OR8H3: variants seen among roughly 807,000 people sequenced by gnomAD.
OR8H3 encodes olfactory receptor family 8 subfamily H member 3, also known as olfactory receptor 8H3.
For missense variants in OR8H3, 381 were observed against 370.8 expected (o/e 1.03, Z -0.23); for synonymous variants, 143 against 136.4 (o/e 1.05, Z -0.34).
At position 56,122,496 on chromosome 11, in the gene OR8H3, G is replaced by C; in HGVS notation, c.124G>C (p.Gly42Arg). Reference sequence around the variant, plus strand: ...CCTCATATACCTAATTACTATGCTGGGGAATGTGGGGATGCTATTGATAAT... The same window carrying C: ...CCTCATATACCTAATTACTATGCTGCGGAATGTGGGGATGCTATTGATAAT... The part of the protein sequence containing the change: ...FLLIYLITML[G>R]NVGMLLIIRL... The change falls in exon 1 of 1, where the codon GGG (glycine) becomes CGG (arginine). Residue 42 changes from glycine (G) to arginine (R), a missense_variant. By Grantham distance (125) the Gly-to-Arg change is moderately radical. Transcript: ENST00000313472. 1 of 1,614,092 alleles carries C rather than the reference G, an allele frequency of 6.2e-7. No individual in the cohort carries two copies. Among genetic ancestry groups the C allele is most frequent in the Non-Finnish European group, 8.5e-7 (1 of 1,180,018 alleles).
chr11:56,122,560 T>C lies in OR8H3; in HGVS notation c.188T>C (p.Phe63Ser), dbSNP rs769765685. 3 of 1,614,034 alleles carry C rather than the reference T, an allele frequency of 1.9e-6. No homozygotes were observed. Among genetic ancestry groups the C allele is most frequent in the Non-Finnish European group, 2.5e-6 (3 of 1,180,024 alleles). ...DLQLHTPMYF[F>S]LTHLSFIDLS... The stretch of plus-strand genomic sequence containing the variant: ...CAGCTTCACACTCCCATGTATTTTT[T>C]CCTTACTCACCTGTCATTTATTGAC... The change falls in exon 1 of 1, where the codon TTC becomes TCC. Residue 63 changes from phenylalanine (F) to serine (S), a missense_variant. Coordinates refer to ENST00000313472, the MANE Select transcript of OR8H3 (RefSeq NM_001005201.1).
chr11:56,123,153 A>C lies in OR8H3; in HGVS notation c.781A>C (p.Lys261Gln). Reference protein sequence around the residue: ...FYGTMIFTYLKPRKSYSLGRD... With the variant: ...FYGTMIFTYLQPRKSYSLGRD... Reference sequence around the variant, plus strand: ...TGGAACTATGATTTTTACTTACTTAAAGCCAAGAAAGTCTTATTCCTTGGG... The same window carrying C: ...TGGAACTATGATTTTTACTTACTTACAGCCAAGAAAGTCTTATTCCTTGGG... The change falls in exon 1 of 1, where the codon AAG becomes CAG. Residue 261 changes from lysine (K) to glutamine (Q), a missense_variant. By Grantham distance (53) the Lys-to-Gln change is moderately conservative (BLOSUM62 1). Coordinates refer to ENST00000313472, the MANE Select transcript of OR8H3 (RefSeq NM_001005201.1). 6.2e-7 allele frequency: 1 copy of C among 1,613,722 alleles called. No individual in the cohort carries two copies. Among genetic ancestry groups the C allele is most frequent in the African/African-American group, 1.3e-5 (1 of 75,000 alleles).
At position 56,123,100 on chromosome 11, in the gene OR8H3, C is replaced by T; in HGVS notation, c.728C>T (p.Ser243Phe). Residue 243 changes from serine to phenylalanine, a missense_variant, in exon 1 of 1, where the codon TCT becomes TTT. Ser to Phe is a radical substitution (Grantham distance 155). Transcript: ENST00000313472. ...GKQKAFSTCV[S>F]HLLGVTIFYG... ...CAGAAAGCTTTCTCTACTTGCGTCTCTCATCTCTTGGGAGTCACCATCTTC... is the reference window on the plus strand; with the variant it reads ...CAGAAAGCTTTCTCTACTTGCGTCTTTCATCTCTTGGGAGTCACCATCTTC... The T allele has an allele frequency of 6.2e-7, 1 of 1,614,096 alleles. No individual in the cohort carries two copies. Among genetic ancestry groups the T allele is most frequent in the South Asian group, 1.1e-5 (1 of 91,084 alleles).
In OR8H3 at chr11:56,122,596, C is replaced by T. The variant is rs186537092; in HGVS notation, c.224C>T (p.Ser75Leu). ...THLSFIDLSY[S>L]TVVTPKTLAN... ...CTGTCATTTATTGACCTCAGTTACT[C>T]AACTGTCGTCACACCTAAAACCTTA... The change falls in exon 1 of 1, where the codon TCA becomes TTA. Residue 75 changes from serine to leucine, a missense_variant. Ser to Leu is a moderately radical substitution (Grantham distance 145). Coordinates refer to ENST00000313472, the MANE Select transcript of OR8H3 (RefSeq NM_001005201.1). 2.5e-6 allele frequency: 4 copies of T among 1,614,160 alleles called. No individual in the cohort carries two copies. The East Asian group carries it at 6.7e-5, about 27-fold the overall frequency.
In OR8H3 at chr11:56,123,128, T is replaced by C. The variant is rs367936103; in HGVS notation, c.756T>C (p.Tyr252=). The stretch of plus-strand genomic sequence containing the variant: ...ATCTCTTGGGAGTCACCATCTTCTA[T>C]GGAACTATGATTTTTACTTACTTAA... ...VSHLLGVTIF[Y]GTMIFTYLKP... The change falls in exon 1 of 1, where the codon TAT becomes TAC. Residue 252 remains tyrosine (Y), a synonymous_variant. Transcript: ENST00000313472. The C allele has an allele frequency of 3.7e-6, 6 of 1,614,082 alleles. No individual in the cohort carries two copies. In the African/African-American group the frequency reaches 4.0e-5, roughly 11 times the overall value.
At position 56,122,950 on chromosome 11, in the gene OR8H3, A is replaced by C; in HGVS notation, c.578A>C (p.Asp193Ala). 6.2e-7 allele frequency: 1 copy of C among 1,614,194 alleles called. No individual in the cohort carries two copies. The highest frequency in any genetic ancestry group is 8.5e-7 in the Non-Finnish European group (1 of 1,180,028). The change falls in exon 1 of 1, where the codon GAC becomes GCC. Residue 193 changes from aspartate to alanine, a missense_variant. Physicochemically the swap from Asp to Ala is moderately radical, Grantham distance 126. Transcript: ENST00000313472. Reference protein sequence around the residue: ...PILALSCTDTDNTEMLIFIIA... With the variant: ...PILALSCTDTANTEMLIFIIA... ...TTAGCTCTGTCCTGCACTGACACAGACAACACTGAAATGCTGATATTCATT... is the reference window on the plus strand; with the variant it reads ...TTAGCTCTGTCCTGCACTGACACAGCCAACACTGAAATGCTGATATTCATT...
Position 56,122,484 on chromosome 11 carries a change from A to G in OR8H3, c.112A>G (p.Ile38Val). 6.2e-7 allele frequency: 1 copy of G among 1,614,030 alleles called. No homozygotes were observed. The highest frequency in any genetic ancestry group is 8.5e-7 in the Non-Finnish European group (1 of 1,180,004). Residue 38 changes from isoleucine (I) to valine (V), a missense_variant, in exon 1 of 1, where the codon ATT becomes GTT. Ile to Val is a conservative substitution (Grantham distance 29). Coordinates refer to ENST00000313472, the MANE Select transcript of OR8H3 (RefSeq NM_001005201.1). The part of the protein sequence containing the change: ...LFMLFLLIYL[I>V]TMLGNVGMLL... ...TATGCTATTTCTCCTCATATACCTAATTACTATGCTGGGGAATGTGGGGAT... is the reference window on the plus strand; with the variant it reads ...TATGCTATTTCTCCTCATATACCTAGTTACTATGCTGGGGAATGTGGGGAT...
chr11:56,122,632 T>C lies in OR8H3; in HGVS notation c.260T>C (p.Leu87Pro), dbSNP rs760380208. The C allele has an allele frequency of 1.2e-6, 2 of 1,614,198 alleles. No individual in the cohort carries two copies. Among genetic ancestry groups the C allele is most frequent in the Non-Finnish European group, 1.7e-6 (2 of 1,180,032 alleles). The part of the protein sequence containing the change: ...VVTPKTLANL[L>P]TSNYISFTGC... The stretch of plus-strand genomic sequence containing the variant: ...ACACCTAAAACCTTAGCGAACTTAC[T>C]GACTTCCAACTATATTTCCTTCACG... The change falls in exon 1 of 1, where the codon CTG becomes CCG. Residue 87 changes from leucine (L) to proline (P), a missense_variant. By Grantham distance (98) the Leu-to-Pro change is moderately conservative (BLOSUM62 -3). Coordinates refer to ENST00000313472, the MANE Select transcript of OR8H3 (RefSeq NM_001005201.1).
Position 56,123,279 on chromosome 11 carries a change from A to G in OR8H3, c.907A>G (p.Arg303Gly), listed in dbSNP as rs765209741. ...RNREVKNALI[R>G]VMQRRQDSR The stretch of plus-strand genomic sequence containing the variant: ...CAGAGAAGTGAAAAATGCTCTCATT[A>G]GAGTCATGCAGAGAAGACAGGACTC... The change falls in exon 1 of 1, where the codon AGA (arginine) becomes GGA (glycine). Residue 303 changes from arginine to glycine, a missense_variant. Coordinates refer to ENST00000313472, the MANE Select transcript of OR8H3 (RefSeq NM_001005201.1). 6.3e-6 allele frequency: 10 copies of G among 1,597,312 alleles called. No homozygotes were observed. The highest frequency in any genetic ancestry group is 2.2e-5 in the East Asian group (1 of 44,816).
chr11:56,123,053 A>C lies in OR8H3; in HGVS notation c.681A>C (p.Lys227Asn), dbSNP rs777862445. The change falls in exon 1 of 1, where the codon AAA (lysine) becomes AAC (asparagine). Residue 227 changes from lysine (K) to asparagine (N), a missense_variant. Transcript: ENST00000313472. The stretch of plus-strand genomic sequence containing the variant: ...TGTCCATTCTCTCTACCATCCTGAA[A>C]ATTAATTCCACTTCAGGAAAGCAGA... Reference protein sequence around the residue: ...SYVSILSTILKINSTSGKQKA... With the variant: ...SYVSILSTILNINSTSGKQKA... 1 of 1,614,112 alleles carries C rather than the reference A, an allele frequency of 6.2e-7. No individual in the cohort carries two copies. The highest frequency in any genetic ancestry group is 8.5e-7 in the Non-Finnish European group (1 of 1,179,996).
rs1854202081 is a variant in OR8H3, at chr11:56,122,684, T to G, written c.312T>G (p.Phe104Leu). The stretch of plus-strand genomic sequence containing the variant: ...GCTGCTTTGCCCAGATGTTCTGTTT[T>G]GTCTTCTTGGGTACTGCTGAATGTT... Reference protein sequence around the residue: ...FTGCFAQMFCFVFLGTAECYL... With the variant: ...FTGCFAQMFCLVFLGTAECYL... The change falls in exon 1 of 1, where the codon TTT (phenylalanine) becomes TTG (leucine). Residue 104 changes from phenylalanine to leucine, a missense_variant. Coordinates refer to ENST00000313472, the MANE Select transcript of OR8H3 (RefSeq NM_001005201.1). 6.2e-7 allele frequency: 1 copy of G among 1,614,230 alleles called. No homozygotes were observed. Among genetic ancestry groups the G allele is most frequent in the Non-Finnish European group, 8.5e-7 (1 of 1,180,036 alleles).
chr11:56,123,257 A>G lies in OR8H3; in HGVS notation c.885A>G (p.Arg295=), dbSNP rs766058774. 8.7e-6 allele frequency: 14 copies of G among 1,609,808 alleles called. No individual in the cohort carries two copies. The Admixed American group carries it at 2.4e-4, about 27-fold the overall frequency. The change falls in exon 1 of 1, where the codon AGA becomes AGG. Residue 295 remains arginine, a synonymous_variant. Coordinates refer to ENST00000313472, the MANE Select transcript of OR8H3 (RefSeq NM_001005201.1). ...LNPLIYSLRN[R]EVKNALIRVM... Reference sequence around the variant, plus strand: ...CACTCATTTATAGTCTTAGAAACAGAGAAGTGAAAAATGCTCTCATTAGAG... The same window carrying G: ...CACTCATTTATAGTCTTAGAAACAGGGAAGTGAAAAATGCTCTCATTAGAG...
rs1357709756 is a variant in OR8H3, at chr11:56,122,822, G to A, written c.450G>A (p.Val150=). Residue 150 remains valine (V), a synonymous_variant, in exon 1 of 1, where the codon GTG becomes GTA. Transcript: ENST00000313472. ...TCGCTCTCATCACTGGGCCTTATGT[G>A]ATTGGCTTTATGGACTCCTTTGTCA... ...LCLALITGPY[V]IGFMDSFVNV... The A allele has an allele frequency of 1.2e-6, 2 of 1,614,166 alleles. No homozygotes were observed. Among genetic ancestry groups the A allele is most frequent in the South Asian group, 1.1e-5 (1 of 91,090 alleles).
At position 56,123,085 on chromosome 11, in the gene OR8H3, T is replaced by C; in HGVS notation, c.713T>C (p.Phe238Ser). Residue 238 changes from phenylalanine to serine, a missense_variant, in exon 1 of 1, where the codon TTC (phenylalanine) becomes TCC (serine). Transcript: ENST00000313472. The part of the protein sequence containing the change: ...INSTSGKQKA[F>S]STCVSHLLGV... ...TCCACTTCAGGAAAGCAGAAAGCTT[T>C]CTCTACTTGCGTCTCTCATCTCTTG... 1 of 1,614,158 alleles carries C rather than the reference T, an allele frequency of 6.2e-7. No individual in the cohort carries two copies.
Position 56,122,853 on chromosome 11 carries a change from G to A in OR8H3, c.481G>A (p.Val161Ile). 2 of 1,614,116 alleles carry A rather than the reference G, an allele frequency of 1.2e-6. No individual in the cohort carries two copies. Among genetic ancestry groups the A allele is most frequent in the South Asian group, 2.2e-5 (2 of 91,068 alleles). Reference protein sequence around the residue: ...IGFMDSFVNVVSMSRLHFCDS... With the variant: ...IGFMDSFVNVISMSRLHFCDS... ...CTTTATGGACTCCTTTGTCAATGTG[G>A]TTTCCATGAGCAGATTGCATTTCTG... is the stretch of plus-strand genomic sequence containing the variant. The change falls in exon 1 of 1, where the codon GTT (valine) becomes ATT (isoleucine). Residue 161 changes from valine to isoleucine, a missense_variant. Coordinates refer to ENST00000313472, the MANE Select transcript of OR8H3 (RefSeq NM_001005201.1).
rs140026838 is a variant in OR8H3, at chr11:56,122,731, A to G, written c.359A>G (p.Tyr120Cys). 3.5e-5 allele frequency: 56 copies of G among 1,613,988 alleles called. No individual in the cohort carries two copies. The highest frequency in any genetic ancestry group is 4.5e-5 in the Non-Finnish European group (53 of 1,180,018). ...TGTTATCTTCTCTCCTCAATGGCCTATGATCGCTATGCAGCGATCTGCAGT... is the reference window on the plus strand; with the variant it reads ...TGTTATCTTCTCTCCTCAATGGCCTGTGATCGCTATGCAGCGATCTGCAGT... ...AECYLLSSMA[Y>C]DRYAAICSPL... Residue 120 changes from tyrosine (Y) to cysteine (C), a missense_variant, in exon 1 of 1, where the codon TAT becomes TGT. Coordinates refer to ENST00000313472, the MANE Select transcript of OR8H3 (RefSeq NM_001005201.1).
rs759190274 is a variant in OR8H3, at chr11:56,122,513, A to G, written c.141A>G (p.Leu47=). The part of the protein sequence containing the change: ...LITMLGNVGM[L]LIIRLDLQLH... ...CTATGCTGGGGAATGTGGGGATGCT[A>G]TTGATAATCCGCCTGGACCTCCAGC... is the stretch of plus-strand genomic sequence containing the variant. Residue 47 remains leucine (L), a synonymous_variant, in exon 1 of 1, where the codon CTA becomes CTG. Coordinates refer to ENST00000313472, the MANE Select transcript of OR8H3 (RefSeq NM_001005201.1). The G allele has an allele frequency of 2.5e-6, 4 of 1,613,956 alleles. No individual in the cohort carries two copies. The highest frequency in any genetic ancestry group is 2.2e-5 in the East Asian group (1 of 44,888).
Position 56,123,131 on chromosome 11 carries a change from A to C in OR8H3, c.759A>C (p.Gly253=), listed in dbSNP as rs1253053657. The change falls in exon 1 of 1, where the codon GGA becomes GGC. Residue 253 remains glycine (G), a synonymous_variant. Transcript: ENST00000313472. ...SHLLGVTIFY[G]TMIFTYLKPR... Reference sequence around the variant, plus strand: ...TCTTGGGAGTCACCATCTTCTATGGAACTATGATTTTTACTTACTTAAAGC... The same window carrying C: ...TCTTGGGAGTCACCATCTTCTATGGCACTATGATTTTTACTTACTTAAAGC... 15 of 1,614,000 alleles carry C rather than the reference A, an allele frequency of 9.3e-6. No individual in the cohort carries two copies. In the South Asian group the frequency reaches 1.1e-4, roughly 12 times the overall value.
Position 56,123,084 on chromosome 11 carries a change from T to C in OR8H3, c.712T>C (p.Phe238Leu), listed in dbSNP as rs143312423. The change falls in exon 1 of 1, where the codon TTC becomes CTC. Residue 238 changes from phenylalanine to leucine, a missense_variant. Coordinates refer to ENST00000313472, the MANE Select transcript of OR8H3 (RefSeq NM_001005201.1). The part of the protein sequence containing the change: ...INSTSGKQKA[F>L]STCVSHLLGV... ...TTCCACTTCAGGAAAGCAGAAAGCT[T>C]TCTCTACTTGCGTCTCTCATCTCTT... The C allele has an allele frequency of 9.4e-5, 151 of 1,614,146 alleles. No homozygotes were observed. The highest frequency in any genetic ancestry group is 6.6e-4 in the Middle Eastern group (4 of 6,060).
Sources: allele counts gnomAD v4.1 joint callset, GRCh38; gene constraint gnomAD v4.1.1; transcripts MANE v1.5; gene names NCBI Gene and HGNC (gene_info 2026-07-23, HGNC 2026-07-21).